The following TNNI3K variants were observed in gnomAD, a reference collection of about 807,000 sequenced individuals.
TNNI3K encodes TNNI3 interacting kinase.
Under a neutral mutation model 114.5 loss-of-function variants are expected in TNNI3K, and 140 were observed. The observed-to-expected ratio is 1.22, with a 90% CI of 1.07 to 1.41. The LOEUF (loss-of-function observed/expected upper bound fraction) is 1.41, where lower values mean the gene tolerates loss of function less well. TNNI3K is among the 40% of genes most tolerant of loss of function. The pLI is 0.00. For synonymous variants in TNNI3K, 347 were observed against 347.5 expected (o/e 1.00, Z 0.02); for missense variants, 1,125 against 1,007.6 (o/e 1.12, Z -1.58).
intron 17 of TNNI3K, among the ~76,000 whole-genome samples, chr1:74,381,248 C>G (rs1663189522): frequency 6.6e-6 from 1 of 152,164 alleles, no homozygotes; most frequent in African/African-American, 2.4e-5. Flanking sequence ...CCAGACTAAG[C>G]ATGTTCACAT....
In TNNI3K at chr1:74,336,707, T is replaced by G. The variant is rs538354307; in HGVS notation, c.682+558T>G. On this transcript the variant is annotated intron_variant, in intron 7 of 24. Transcript: ENST00000326637. ...ATCATTTTTTATGGCTGCATAGTAT[T>G]CCATGGTGTATATGTGCCACATTTT... is the stretch of plus-strand genomic sequence containing the variant. Among the ~76,000 whole-genome samples the G allele has an allele frequency of 5.4e-3, 820 of 151,554 alleles. 2 individuals are homozygous for G. The highest frequency in any genetic ancestry group is 0.018 in the South Asian group (86 of 4,758).
chr1:74,360,690 C>T (rs1040349129), intron 11 of TNNI3K, among the ~76,000 whole-genome samples: 1 of 151,966 alleles, frequency 6.6e-6, no homozygotes, highest in African/African-American at 2.4e-5. Context: ...TTCTGATTGC[C>T]ACTTGGTCTT....
chr1:74,504,955 C>T (rs537662573), intron 23 of TNNI3K, among the ~76,000 whole-genome samples: 2 of 152,306 alleles, frequency 1.3e-5, no homozygotes, highest in African/African-American at 4.8e-5. Context: ...CGGAGGCAAA[C>T]TGCTAAATAA....
At chr1:74,348,832 T>G (rs1186458876) in intron 9 of TNNI3K, among the ~76,000 whole-genome samples, 2 of 152,204 alleles carry the variant, frequency 1.3e-5, no homozygotes, top group Admixed American at 6.5e-5. Flanking sequence ...CTTGTGATTT[T>G]TGCACATTGA....
At chr1:74,280,529 G>A (rs1441188660) in intron 5 of TNNI3K, among the ~76,000 whole-genome samples, 1 of 152,194 alleles carries the variant, frequency 6.6e-6, no homozygotes, top group East Asian at 1.9e-4. Context: ...GAGAGAGAGA[G>A]AGCAAAGTGA....
intron 5 of TNNI3K, among the ~76,000 whole-genome samples, chr1:74,285,954 T>C (rs1657306584): frequency 6.6e-6 from 1 of 152,162 alleles, no homozygotes. Context: ...GAATAGGTGT[T>C]TCCATTGCTT....
At chr1:74,317,374 C>A (rs911017863) in intron 5 of TNNI3K, among the ~76,000 whole-genome samples, 1 of 152,140 alleles carries the variant, frequency 6.6e-6, no homozygotes, top group African/African-American at 2.4e-5. Flanking sequence ...AAGTGGCTTA[C>A]AAATATTAAC....
At chr1:74,499,631 A>T (rs1054061440) in intron 23 of TNNI3K, among the ~76,000 whole-genome samples, 7 of 152,278 alleles carry the variant, frequency 4.6e-5, no homozygotes, top group Middle Eastern at 3.4e-3. Flanking sequence ...TATCCCTGGT[A>T]GATAAGAGGG....
intron 17 of TNNI3K, among the ~76,000 whole-genome samples, chr1:74,401,173 G>C (rs559204340): frequency 6.6e-6 from 1 of 152,142 alleles, no homozygotes; most frequent in African/African-American, 2.4e-5. Context: ...TAGAAACATA[G>C]ATATCTTCCT....
At chr1:74,371,669 A>G (rs1265145641) in intron 17 of TNNI3K, 2 of 151,808 alleles carry the variant, frequency 1.3e-5, no homozygotes, top group Non-Finnish European at 2.9e-5. Context: ...TGTATAATGT[A>G]AGAAGTGGAC....
chr1:74,466,187 G>A (rs1012364250), intron 21 of TNNI3K, among the ~76,000 whole-genome samples: 2 of 152,176 alleles, frequency 1.3e-5, no homozygotes, highest in African/African-American at 4.8e-5. Flanking sequence ...CACTCACTGC[G>A]TGGGTGTGCG....
chr1:74,534,021 A>C (rs1467075019), intron 23 of TNNI3K, among the ~76,000 whole-genome samples: 1 of 152,196 alleles, frequency 6.6e-6, no homozygotes, highest in East Asian at 1.9e-4. Context: ...TTGCATCCCC[A>C]AAACGCCGGT....
In TNNI3K at chr1:74,353,326, A is replaced by G. The variant is rs776988132; in HGVS notation, c.993A>G (p.Ile331Met). ...AATTTCTTCTTGATCAGAATGTCATAAACATCAACCACCAAGGAAGGGATG... is the reference window on the plus strand; with the variant it reads ...AATTTCTTCTTGATCAGAATGTCATGAACATCAACCACCAAGGAAGGGATG... ...LVKFLLDQNVININHQGRDGH... is the reference protein window; with the variant it reads ...LVKFLLDQNVMNINHQGRDGH... Residue 331 changes from isoleucine (I) to methionine (M), a missense_variant, in exon 10 of 25, where the codon ATA becomes ATG. Physicochemically the swap from Ile to Met is conservative, Grantham distance 10. Transcript: ENST00000326637. 31 of 1,613,832 alleles carry G rather than the reference A, an allele frequency of 1.9e-5. No individual in the cohort carries two copies. The highest frequency in any genetic ancestry group is 1.5e-4 in the Admixed American group (9 of 59,998).
At chr1:74,501,474 G>GTGTTTTTGTT (rs1553153394) in intron 23 of TNNI3K, among the ~76,000 whole-genome samples, 3 of 149,820 alleles carry the variant, frequency 2.0e-5, no homozygotes, top group Non-Finnish European at 3.0e-5. Flanking sequence ...TTTTTGTTTT[G>GTGTTTTTGTT]TGTTTGTTTG....
At chr1:74,292,348 C>T (rs1657734538) in intron 5 of TNNI3K, among the ~76,000 whole-genome samples, 1 of 151,244 alleles carries the variant, frequency 6.6e-6, no homozygotes, top group Admixed American at 6.6e-5. Flanking sequence ...TTTTTTCTAA[C>T]AGCATTTTAG....
At chr1:74,489,815 G>A (rs1241163521) in intron 22 of TNNI3K, among the ~76,000 whole-genome samples, 2 of 152,174 alleles carry the variant, frequency 1.3e-5, no homozygotes, top group East Asian at 3.9e-4. Context: ...CTGGTCAAGA[G>A]ATAGCATTTC....
intron 23 of TNNI3K, among the ~76,000 whole-genome samples, chr1:74,532,743 C>T (rs1471404952): frequency 6.6e-6 from 1 of 151,510 alleles, no homozygotes; most frequent in East Asian, 1.9e-4. Flanking sequence ...CAGAACAGAG[C>T]CCTCAGAAAT....
chr1:74,475,815 G>A (rs1166579320), intron 21 of TNNI3K: 2 of 575,382 alleles, frequency 3.5e-6, no homozygotes, highest in Non-Finnish European at 6.3e-6. Context: ...CAGCTCCTAT[G>A]ACAAATAGAG....
At chr1:74,278,316 TATTA>T (rs1656805251) in intron 5 of TNNI3K, among the ~76,000 whole-genome samples, 1 of 152,132 alleles carries the variant, frequency 6.6e-6, no homozygotes, top group African/African-American at 2.4e-5. Context: ...GTACTGAACA[TATTA>T]ATTGACTTGA....
Sources: gnomAD v4.1 joint callset for allele counts (sites outside exome capture counted in the v4.1 genomes callset) on GRCh38, gnomAD v4.1.1 for gene constraint, MANE v1.5 for transcripts, NCBI Gene and HGNC (gene_info 2026-07-23, HGNC 2026-07-21) for gene names.